The following SGCZ variants were observed in gnomAD, a reference collection of about 807,000 sequenced individuals.
SGCZ encodes the protein sarcoglycan zeta, also known as zeta-sarcoglycan.
In SGCZ, 40 loss-of-function variants were observed where a neutral mutation model predicts 41.3. The ratio of observed to expected loss-of-function variants is 0.97; its 90% confidence interval spans 0.75 to 1.26. The LOEUF is 1.26. Ranked by LOEUF, SGCZ falls within the 50% of genes most tolerant of loss-of-function variation. SGCZ has a pLI of 0.00. For synonymous variants in SGCZ, 206 were observed against 137.5 expected (o/e 1.50, Z -3.49); for missense variants, 552 against 369.8 (o/e 1.49, Z -4.04).
At chr8:14,596,662 G>A (rs1805422777) in intron 1 of SGCZ, among the ~76,000 whole-genome samples, 1 of 152,070 alleles carries the variant, frequency 6.6e-6, no homozygotes, top group Non-Finnish European at 1.5e-5. Context: ...AGACACACCA[G>A]GGTCTCTCAC....
chr8:15,155,253 C>T (rs901383654), intron 1 of SGCZ, among the ~76,000 whole-genome samples: 1 of 152,098 alleles, frequency 6.6e-6, no homozygotes, highest in Non-Finnish European at 1.5e-5. Context: ...TGAGATCACG[C>T]CATTGCACTC....
intron 1 of SGCZ, among the ~76,000 whole-genome samples, chr8:14,615,695 T>A (rs1351884959): frequency 6.6e-6 from 1 of 152,134 alleles, no homozygotes; most frequent in Non-Finnish European, 1.5e-5. Context: ...TGGGGAAATG[T>A]CCTTAAATAA....
At chr8:15,191,575 T>A in intron 1 of SGCZ, among the ~76,000 whole-genome samples, 1 of 137,944 alleles carries the variant, frequency 7.2e-6, no homozygotes, top group African/African-American at 2.6e-5. Flanking sequence ...AATTCATCAT[T>A]GTTTTTGAAA....
chr8:14,152,812 T>C (rs950940685), intron 5 of SGCZ, among the ~76,000 whole-genome samples: 1 of 152,100 alleles, frequency 6.6e-6, no homozygotes, highest in Non-Finnish European at 1.5e-5. Context: ...AAATAAACTG[T>C]GATACATTCA....
intron 1 of SGCZ, among the ~76,000 whole-genome samples, chr8:14,599,067 A>G (rs7007355): frequency 0.086 from 13,028 of 152,116 alleles, 648 homozygotes; most frequent in Middle Eastern, 0.2. Flanking sequence ...GGTCTTCCCT[A>G]CCTTATTCAT....
chr8:14,996,305 G>C (rs1469582959), intron 1 of SGCZ, among the ~76,000 whole-genome samples: 2 of 152,192 alleles, frequency 1.3e-5, no homozygotes, highest in African/African-American at 4.8e-5. Context: ...TTATTGAAAA[G>C]CATGTCTCTT....
intron 1 of SGCZ, among the ~76,000 whole-genome samples, chr8:15,128,330 G>A (rs116298489): frequency 0.019 from 2,915 of 152,252 alleles, 93 homozygotes; most frequent in African/African-American, 0.067. Flanking sequence ...TTGAGATTTG[G>A]GGCCCATTTA....
At chr8:14,258,684 T>A (rs1317799104) in intron 3 of SGCZ, among the ~76,000 whole-genome samples, 2 of 152,182 alleles carry the variant, frequency 1.3e-5, no homozygotes, top group South Asian at 2.1e-4. Flanking sequence ...ACTGGATTAA[T>A]GTAATGGTCT....
intron 7 of SGCZ, among the ~76,000 whole-genome samples, chr8:14,098,940 G>T (rs1801928008): frequency 6.7e-6 from 1 of 149,616 alleles, no homozygotes; most frequent in Non-Finnish European, 1.5e-5. Context: ...ATCCATTTAG[G>T]GGCTGCTTTA....
intron 1 of SGCZ, among the ~76,000 whole-genome samples, chr8:14,655,285 A>G (rs1329989803): frequency 6.6e-6 from 1 of 152,092 alleles, no homozygotes; most frequent in Non-Finnish European, 1.5e-5. Context: ...AGACTTTACT[A>G]TGTAACTGCT....
At chr8:14,488,480 A>G (rs141632375) in intron 2 of SGCZ, among the ~76,000 whole-genome samples, 225 of 151,958 alleles carry the variant, frequency 1.5e-3, no homozygotes, top group African/African-American at 5.0e-3. Flanking sequence ...ACTCACTTCA[A>G]TAAAGTTGCA....
chr8:14,359,897 T>C (rs1386953684), intron 2 of SGCZ, among the ~76,000 whole-genome samples: 2 of 151,918 alleles, frequency 1.3e-5, no homozygotes, highest in East Asian at 1.9e-4. Context: ...TTCATCAATA[T>C]GTTAAAAAGA....
chr8:14,479,745 T>TCTTTTTC lies in SGCZ; in HGVS notation c.234+74986_234+74987insGAAAAAG, dbSNP rs1554524345. Among the ~76,000 whole-genome samples the TCTTTTTC allele has an allele frequency of 7.7e-3, 785 of 102,016 alleles. 17 individuals are homozygous for TCTTTTTC. Among genetic ancestry groups the TCTTTTTC allele is most frequent in the African/African-American group, 0.026 (746 of 28,154 alleles). 66.9% of individuals were successfully genotyped at this position (102,016 alleles called of 152,430 possible). A position where few individuals can be genotyped will look rare whatever the true frequency, so the allele number is the denominator to read the frequency against. ...GAATTCTACTTCTTTTTTTTTTTTT[T>TCTTTTTC]TTTTTTTTTTTTTTTTATTTGAGAT... is the stretch of plus-strand genomic sequence containing the variant. On this transcript the variant is annotated intron_variant, in intron 2 of 7. Transcript: ENST00000382080.
rs1042262579 is a variant in SGCZ, at chr8:14,746,301, C to T, written c.40-191375G>A. Reference sequence around the variant, plus strand: ...ACAAGATTTTTCACGTTCCACATTGCGTAAGTTTCACACATTTTCTTAAGT... The same window carrying T: ...ACAAGATTTTTCACGTTCCACATTGTGTAAGTTTCACACATTTTCTTAAGT... On this transcript the variant is annotated intron_variant, in intron 1 of 7. Coordinates refer to ENST00000382080, the MANE Select transcript of SGCZ (RefSeq NM_139167.4). Among the ~76,000 whole-genome samples the T allele has an allele frequency of 1.3e-4, 19 of 151,990 alleles. 1 individual carries two copies. Among genetic ancestry groups the T allele is most frequent in the Middle Eastern group, 3.2e-3 (1 of 316 alleles).
intron 1 of SGCZ, among the ~76,000 whole-genome samples, chr8:14,683,202 CT>C (rs1399837016): frequency 2.0e-5 from 3 of 152,050 alleles, no homozygotes; most frequent in African/African-American, 7.2e-5. Flanking sequence ...ATAGGGAAAT[CT>C]TCAGGCAATA....
At chr8:14,364,525 AT>A (rs966449681) in intron 2 of SGCZ, among the ~76,000 whole-genome samples, 27 of 151,982 alleles carry the variant, frequency 1.8e-4, no homozygotes, top group Admixed American at 7.2e-4. Context: ...GATGTGATAT[AT>A]TTTTTTTCTT....
intron 3 of SGCZ, among the ~76,000 whole-genome samples, chr8:14,241,308 T>C (rs946565231): frequency 6.6e-6 from 1 of 151,676 alleles, no homozygotes; most frequent in Non-Finnish European, 1.5e-5. Context: ...GAGAAATCTA[T>C]TTTGTTGATA....
At chr8:15,093,110 C>T (rs766106896) in intron 1 of SGCZ, among the ~76,000 whole-genome samples, 1 of 152,134 alleles carries the variant, frequency 6.6e-6, no homozygotes, top group Non-Finnish European at 1.5e-5. Context: ...AGTCCATCAG[C>T]TGCAGCCATA....
chr8:14,382,252 T>C (rs1218859614), intron 2 of SGCZ, among the ~76,000 whole-genome samples: 2 of 152,118 alleles, frequency 1.3e-5, no homozygotes, highest in Non-Finnish European at 2.9e-5. Flanking sequence ...CAGAAGAGGA[T>C]TCTAACTAAA....
Sources: gnomAD v4.1 joint callset for allele counts (sites outside exome capture counted in the v4.1 genomes callset) on GRCh38, gnomAD v4.1.1 for gene constraint, MANE v1.5 for transcripts, NCBI Gene and HGNC (gene_info 2026-07-23, HGNC 2026-07-21) for gene names.